The following PDE11A variants were observed in gnomAD, a reference collection of about 807,000 sequenced individuals.
The protein encoded by PDE11A is phosphodiesterase 11A.
A neutral mutation model predicts 100.5 loss-of-function variants in PDE11A; 100 were observed. The observed-to-expected ratio is 1.00, with a 90% confidence interval of 0.85 to 1.18. PDE11A has a LOEUF of 1.18. Among genes scored for constraint, PDE11A ranks in the 50% most tolerant of loss-of-function variants. PDE11A has a pLI of 0.00. For synonymous variants in PDE11A, 381 were observed against 420.8 expected, an observed-to-expected ratio of 0.91 and a Z score of 1.16; for missense variants, 1,141 against 1,152.6, an observed-to-expected ratio of 0.99 and a Z score of 0.15.
intron 6 of PDE11A, among the ~76,000 whole-genome samples, chr2:177,826,555 G>A (rs2083229077): frequency 6.6e-6 from 1 of 152,152 alleles, no homozygotes; most frequent in Non-Finnish European, 1.5e-5. Context: ...CCTGCACATA[G>A]GATAAATCCT....
At chr2:177,956,827 G>A (rs540321647) in intron 2 of PDE11A, among the ~76,000 whole-genome samples, 52 of 151,970 alleles carry the variant, frequency 3.4e-4, no homozygotes, top group Non-Finnish European at 5.4e-4. Flanking sequence ...ACCAAACACC[G>A]CATGTTCTCG....
chr2:178,051,393 T>C (rs2086825034), intron 1 of PDE11A, among the ~76,000 whole-genome samples: 2 of 152,306 alleles, frequency 1.3e-5, no homozygotes, highest in South Asian at 4.1e-4. Flanking sequence ...TACCAGCCAC[T>C]GCAAAAATAT....
intron 18 of PDE11A, 51 bp from the exon 19 acceptor site, chr2:177,664,000 C>G (rs35775900): frequency 0.042 from 46,683 of 1,116,302 alleles, 1,185 homozygotes; most frequent in Non-Finnish European, 0.051. Flanking sequence ...AAGTATTTTA[C>G]AGGGTGCTTT....
intron 9 of PDE11A, among the ~76,000 whole-genome samples, chr2:177,812,973 T>A (rs959307828): frequency 5.1e-5 from 4 of 78,692 alleles, no homozygotes. Context: ...TAGGGGGGAA[T>A]CCCACAAATT....
intron 9 of PDE11A, among the ~76,000 whole-genome samples, chr2:177,808,740 G>A (rs2082907927): frequency 6.6e-6 from 1 of 152,106 alleles, no homozygotes; most frequent in East Asian, 1.9e-4. Context: ...GAAGAGAGTG[G>A]AGTGCTACAT....
At chr2:177,839,129 T>A (rs971987688) in intron 6 of PDE11A, among the ~76,000 whole-genome samples, 1 of 152,194 alleles carries the variant, frequency 6.6e-6, no homozygotes, top group South Asian at 2.1e-4. Context: ...AAAGATGATC[T>A]GACTGAAGTT....
chr2:178,056,929 C>T (rs764533912), intron 1 of PDE11A, among the ~76,000 whole-genome samples: 19 of 151,740 alleles, frequency 1.3e-4, no homozygotes, highest in Non-Finnish European at 2.5e-4. Context: ...AAAAATGGGG[C>T]GCACCAGGGG....
intron 9 of PDE11A, among the ~76,000 whole-genome samples, chr2:177,773,954 T>A (rs774533144): frequency 2.6e-5 from 4 of 152,162 alleles, no homozygotes; most frequent in Non-Finnish European, 5.9e-5. Context: ...GCTTAAGAAC[T>A]CTGATTTTCT....
At chr2:178,050,163 C>T (rs542187243) in intron 1 of PDE11A, among the ~76,000 whole-genome samples, 5 of 152,274 alleles carry the variant, frequency 3.3e-5, no homozygotes, top group Non-Finnish European at 5.9e-5. Flanking sequence ...TCCGGAAGAA[C>T]GATCAGGCAG....
intron 1 of PDE11A, among the ~76,000 whole-genome samples, chr2:178,028,226 G>A (rs1435200801): frequency 2.0e-5 from 3 of 147,912 alleles, no homozygotes; most frequent in Non-Finnish European, 3.0e-5. Flanking sequence ...GTTCACCCTC[G>A]CTTCAGCTAC....
At chr2:177,832,051 G>C (rs1230099282) in intron 6 of PDE11A, among the ~76,000 whole-genome samples, 3 of 152,188 alleles carry the variant, frequency 2.0e-5, no homozygotes, top group Admixed American at 1.3e-4. Context: ...GTGACCATCA[G>C]GTGATGGTCA....
chr2:177,675,113 A>G (rs1182628416), intron 17 of PDE11A, among the ~76,000 whole-genome samples: 1 of 152,068 alleles, frequency 6.6e-6, no homozygotes, highest in East Asian at 1.9e-4. Context: ...TTAAAAAAAA[A>G]GAAAACAAGA....
chr2:178,094,313 G>C (rs2087461221), intron 2 of PDE11A, among the ~76,000 whole-genome samples: 1 of 152,074 alleles, frequency 6.6e-6, no homozygotes, highest in African/African-American at 2.4e-5. Flanking sequence ...TGGATCGCTT[G>C]AGCTCAGGAG....
At chr2:178,071,333 G>C (rs1183762674) in intron 1 of PDE11A, among the ~76,000 whole-genome samples, 193 bp downstream of exon 1, 4 of 152,130 alleles carry the variant, frequency 2.6e-5, no homozygotes, top group Non-Finnish European at 4.4e-5. Context: ...CAAGCCATTG[G>C]GTGTTAAGAA....
chr2:177,697,313 A>T lies in PDE11A; in HGVS notation c.2345+19T>A, dbSNP rs1189221972. The T allele has an allele frequency of 2.4e-6, 3 of 1,240,532 alleles. No homozygotes were observed. Among genetic ancestry groups the T allele is most frequent in the Non-Finnish European group, 3.6e-6 (3 of 838,990 alleles). 76.8% of individuals were successfully genotyped at this position (1,240,532 alleles called of 1,614,324 possible). ...GATGGAACTTCCATTTGTCAAACAG[A>T]TCAAATGCCAATACCTACTCAAAGT... On this transcript the variant is annotated intron_variant, in intron 15 of 19. Coordinates refer to ENST00000286063, the MANE Select transcript of PDE11A (RefSeq NM_016953.4).
At chr2:177,948,981 A>G (rs960693963) in intron 2 of PDE11A, among the ~76,000 whole-genome samples, 1 of 152,218 alleles carries the variant, frequency 6.6e-6, no homozygotes, top group Non-Finnish European at 1.5e-5. Context: ...TGCATGGCAT[A>G]TGGAGATCTT....
intron 15 of PDE11A, among the ~76,000 whole-genome samples, chr2:177,694,096 C>G (rs911617442): frequency 7.0e-4 from 107 of 152,208 alleles, no homozygotes; most frequent in African/African-American, 2.3e-3. Flanking sequence ...GAAAAGAGAA[C>G]AAGCCAGCTT....
chr2:177,949,958 A>T (rs2085486923), intron 2 of PDE11A, among the ~76,000 whole-genome samples: 2 of 152,192 alleles, frequency 1.3e-5, no homozygotes, highest in East Asian at 3.9e-4. Context: ...TAATTCTGGA[A>T]TAGCAGGAAA....
chr2:178,096,667 A>G (rs2087496091), intron 2 of PDE11A, among the ~76,000 whole-genome samples: 1 of 152,230 alleles, frequency 6.6e-6, no homozygotes, highest in Admixed American at 6.5e-5. Context: ...GCATAGCAAC[A>G]GTGACATTTA....
Sources: allele counts gnomAD v4.1 joint callset (sites outside exome capture counted in the v4.1 genomes callset), GRCh38; gene constraint gnomAD v4.1.1; transcripts MANE v1.5; gene names NCBI Gene and HGNC (gene_info 2026-07-23, HGNC 2026-07-21).